The following ST3GAL1 variants were observed in gnomAD, a reference collection of about 807,000 sequenced individuals.
ST3GAL1 encodes the protein ST3 beta-galactoside alpha-2,3-sialyltransferase 1.
In ST3GAL1, 16 loss-of-function variants were observed where a neutral mutation model predicts 34.1. That is an observed-to-expected ratio of 0.47 (90% confidence interval 0.32 to 0.71). The LOEUF (loss-of-function observed/expected upper bound fraction) is 0.71. Among genes scored for constraint, ST3GAL1 ranks in the 30% least tolerant of loss-of-function variants. The pLI is 0.04. For missense variants in ST3GAL1, 353 were observed against 447.4 expected (o/e 0.79, Z 1.90); for synonymous variants, 191 against 184.7 (o/e 1.03, Z -0.28).
intron 1 of ST3GAL1, among the ~76,000 whole-genome samples, chr8:133,550,522 C>T (rs1026702564): frequency 2.6e-5 from 4 of 152,154 alleles, no homozygotes; most frequent in Non-Finnish European, 5.9e-5. Context: ...GCCTTAGACC[C>T]GGGGTTCAGT....
intron 2 of ST3GAL1, among the ~76,000 whole-genome samples, chr8:133,519,179 T>A (rs1211470741): frequency 6.6e-6 from 1 of 152,086 alleles, no homozygotes; most frequent in Non-Finnish European, 1.5e-5. Flanking sequence ...AAAAACAGAA[T>A]AAGACATCTT....
chr8:133,561,993 G>C (rs1342297087), intron 1 of ST3GAL1, among the ~76,000 whole-genome samples: 1 of 152,078 alleles, frequency 6.6e-6, no homozygotes, highest in African/African-American at 2.4e-5. Context: ...TCAGGAGGCT[G>C]AGGTGGGAGC....
At chr8:133,540,880 G>C (rs7814221) in intron 2 of ST3GAL1, among the ~76,000 whole-genome samples, 1 of 45,054 alleles carries the variant, frequency 2.2e-5, no homozygotes, top group Non-Finnish European at 3.9e-5. Context: ...CATATATATA[G>C]AGACATATAT....
At chr8:133,550,223 G>A (rs569046650) in intron 1 of ST3GAL1, among the ~76,000 whole-genome samples, 107 of 152,224 alleles carry the variant, frequency 7.0e-4, no homozygotes, top group African/African-American at 2.3e-3. Flanking sequence ...CTTCTCACTC[G>A]TGCTCTGCTG....
intron 2 of ST3GAL1, among the ~76,000 whole-genome samples, chr8:133,529,316 G>A (rs1418060654): frequency 2.0e-5 from 3 of 152,234 alleles, no homozygotes; most frequent in Admixed American, 6.5e-5. Flanking sequence ...GAGAGGATGC[G>A]GCAGTTCTGA....
chr8:133,537,876 G>GA, intron 2 of ST3GAL1, among the ~76,000 whole-genome samples: 1 of 152,206 alleles, frequency 6.6e-6, no homozygotes, highest in Non-Finnish European at 1.5e-5. Flanking sequence ...CATGGTTTCA[G>GA]CTGTCCGGTG....
chr8:133,562,155 C>T (rs2131109427), intron 1 of ST3GAL1, among the ~76,000 whole-genome samples: 1 of 151,402 alleles, frequency 6.6e-6, no homozygotes, highest in East Asian at 1.9e-4. Context: ...GATCTGGAGG[C>T]AGAGGCCCAT....
chr8:133,464,751 C>T (rs369996033), intron 7 of ST3GAL1, 27 bp downstream of exon 7: 54 of 1,597,384 alleles, frequency 3.4e-5, no homozygotes, highest in Middle Eastern at 1.7e-4. Flanking sequence ...GGCAGAGCAG[C>T]GAGGCGGGGC....
chr8:133,460,535 A>G (rs1342852417), intron 9 of ST3GAL1, among the ~76,000 whole-genome samples: 4 of 152,216 alleles, frequency 2.6e-5, no homozygotes, highest in African/African-American at 9.6e-5. Context: ...TTTCACATAC[A>G]TGACAAACCC....
At chr8:133,547,415 C>T (rs890049850) in intron 1 of ST3GAL1, among the ~76,000 whole-genome samples, 4 of 152,072 alleles carry the variant, frequency 2.6e-5, no homozygotes, top group East Asian at 1.9e-4. Flanking sequence ...ACTACAGGTT[C>T]GTGCTATCAC....
chr8:133,538,818 G>C (rs1818382476), intron 2 of ST3GAL1, among the ~76,000 whole-genome samples: 1 of 152,214 alleles, frequency 6.6e-6, no homozygotes, highest in South Asian at 2.1e-4. Flanking sequence ...TTGCTTAAAA[G>C]CAGTAGGCAG....
At chr8:133,554,447 G>A (rs1818948586) in intron 1 of ST3GAL1, among the ~76,000 whole-genome samples, 1 of 152,180 alleles carries the variant, frequency 6.6e-6, no homozygotes, top group South Asian at 2.1e-4. Context: ...GGTGTAGGCA[G>A]ATGAAGGGCT....
rs189254820 is a variant in ST3GAL1, at chr8:133,560,219, G to A, written c.-582+11474C>T. Among the ~76,000 whole-genome samples the A allele has an allele frequency of 6.8e-3, 1,015 of 149,844 alleles. 9 individuals carry two copies. The highest frequency in any genetic ancestry group is 0.023 in the African/African-American group (958 of 40,968). On this transcript the variant is annotated intron_variant, in intron 1 of 9. Transcript: ENST00000522652. ...CATTGCATGTATGAAAACTCACTAC[G>A]TACCCCATAAATATGTACAATTACT...
At chr8:133,560,899 T>C (rs760034334) in intron 1 of ST3GAL1, among the ~76,000 whole-genome samples, 17 of 152,096 alleles carry the variant, frequency 1.1e-4, no homozygotes, top group South Asian at 4.1e-4. Flanking sequence ...AAACATACAC[T>C]TTACAGAGAG....
At chr8:133,518,170 C>T (rs1223694834) in intron 2 of ST3GAL1, among the ~76,000 whole-genome samples, 1 of 152,204 alleles carries the variant, frequency 6.6e-6, no homozygotes, top group East Asian at 1.9e-4. Context: ...ACAGATGCTG[C>T]CTGCCATCCC....
intron 5 of ST3GAL1, among the ~76,000 whole-genome samples, chr8:133,475,280 G>A (rs1816123903): frequency 6.6e-6 from 1 of 152,250 alleles, no homozygotes; most frequent in South Asian, 2.1e-4. Flanking sequence ...CGGGCCTGGG[G>A]CGGCTTCCCC....
At chr8:133,557,917 A>G (rs1184360606) in intron 1 of ST3GAL1, among the ~76,000 whole-genome samples, 1 of 151,850 alleles carries the variant, frequency 6.6e-6, no homozygotes, top group African/African-American at 2.4e-5. Context: ...AAAAAAAAAA[A>G]AAAAAAAGAG....
At position 133,545,930 on chromosome 8, in the gene ST3GAL1, AAAGAG is replaced by A. The variant is rs1459926344; in HGVS notation, c.-581-9_-581-5del. On this transcript the variant is annotated splice_region_variant and splice_polypyrimidine_tract_variant and intron_variant, in intron 1 of 9. Coordinates refer to ENST00000522652, the MANE Select transcript of ST3GAL1 (RefSeq NM_173344.3). ...TGAAATCTGAAAATGGTACCAACTG[AAAGAG>A]AAGAGGAGAAAAGTTTAAGTCAGTT... 6.6e-6 allele frequency: 1 copy of A among 152,322 alleles called. No homozygotes were observed. 9.4% of individuals were successfully genotyped at this position (152,322 alleles called of 1,614,324 possible).
intron 2 of ST3GAL1, among the ~76,000 whole-genome samples, chr8:133,505,317 G>A (rs11992377): frequency 0.2 from 31,028 of 152,088 alleles, 3,231 homozygotes; most frequent in Middle Eastern, 0.27. Flanking sequence ...CAAGAGAGAA[G>A]TTGAGTAGGT....
Sources: allele counts gnomAD v4.1 joint callset (sites outside exome capture counted in the v4.1 genomes callset), GRCh38; gene constraint gnomAD v4.1.1; transcripts MANE v1.5; gene names NCBI Gene and HGNC (gene_info 2026-07-23, HGNC 2026-07-21).